The following ADA2 variants were observed in gnomAD, a reference collection of about 807,000 sequenced individuals.
ADA2 encodes the protein adenosine deaminase 2, also known as adenosine deaminase CECR1.
Under a neutral mutation model 44.2 loss-of-function variants are expected in ADA2, and 29 were observed. The ratio of observed to expected loss-of-function variants is 0.66; its 90% CI spans 0.49 to 0.89. ADA2 has a LOEUF of 0.89. Among genes scored for constraint, ADA2 ranks in the 40% least tolerant of loss-of-function variants. The pLI, the probability that ADA2 is intolerant of heterozygous loss-of-function variation, is 0.00. For missense variants in ADA2, 637 were observed against 644.8 expected (o/e 0.99, Z 0.13); for synonymous variants, 215 against 234.9 (o/e 0.92, Z 0.77).
chr22:17,193,283 C>T, intron 4 of ADA2: 1 of 696,232 alleles, frequency 1.4e-6, no homozygotes, highest in Non-Finnish European at 2.6e-6. Context: ...AACCCCAATG[C>T]CAGGCTGCGC....
At chr22:17,183,427 C>T (rs1375706854) in intron 7 of ADA2, among the ~76,000 whole-genome samples, 4 of 148,608 alleles carry the variant, frequency 2.7e-5, no homozygotes, top group East Asian at 2.0e-4. Flanking sequence ...CCCCACAGTC[C>T]GCTTTCCTTC....
chr22:17,197,910 T>C (rs2062213250), intron 4 of ADA2, among the ~76,000 whole-genome samples: 1 of 152,004 alleles, frequency 6.6e-6, no homozygotes, highest in African/African-American at 2.4e-5. Flanking sequence ...TGGTGGCACA[T>C]GCCTGTATTC....
chr22:17,199,197 C>T (rs1476551841), intron 4 of ADA2, among the ~76,000 whole-genome samples: 11 of 152,030 alleles, frequency 7.2e-5, no homozygotes, highest in Non-Finnish European at 2.9e-5. Flanking sequence ...CGGGCGGAGA[C>T]GGGCAGAGTG....
At chr22:17,190,955 G>A (rs2062107018) in intron 5 of ADA2, among the ~76,000 whole-genome samples, 1 of 152,258 alleles carries the variant, frequency 6.6e-6, no homozygotes, top group Non-Finnish European at 1.5e-5. Context: ...GTGCCCTCCA[G>A]AGCCCAGGCT....
intron 1 of ADA2, among the ~76,000 whole-genome samples, chr22:17,214,618 T>G (rs528961507): frequency 1.3e-5 from 2 of 152,186 alleles, no homozygotes; most frequent in African/African-American, 4.8e-5. Flanking sequence ...TTCCTCTAGC[T>G]TGGGGCCTAT....
chr22:17,212,727 A>C (rs1219205782), intron 1 of ADA2, among the ~76,000 whole-genome samples: 2 of 152,048 alleles, frequency 1.3e-5, no homozygotes, highest in Non-Finnish European at 2.9e-5. Context: ...AAAATGGCCA[A>C]TACGTATACG....
intron 1 of ADA2, among the ~76,000 whole-genome samples, chr22:17,213,077 A>G (rs1362703124): frequency 3.9e-5 from 6 of 151,930 alleles, no homozygotes. Context: ...GATCTGAGCC[A>G]CCAGGCCCAG....
intron 4 of ADA2, chr22:17,199,442 C>CCCCTCCCTCCCCTCCTATATCCTCTTA: frequency 9.8e-7 from 1 of 1,022,722 alleles, no homozygotes; most frequent in Non-Finnish European, 1.5e-6. Context: ...CTATCCTCTT[C>CCCCTCCCTCCCCTCCTATATCCTCTTA]CCCTCCACCC....
chr22:17,185,288 C>A lies in ADA2; in HGVS notation c.1082-2527G>T, dbSNP rs899787824. ...TATTAGCCGGGCGTGGTGGCAGGCG[C>A]CCGAGTAGTCCCAGCTACTCGGGAG... On this transcript the variant is annotated intron_variant, in intron 7 of 9. Coordinates refer to ENST00000399837, the MANE Select transcript of ADA2 (RefSeq NM_001282225.2). Among the ~76,000 whole-genome samples, 24 of 151,494 alleles carry A rather than the reference C, an allele frequency of 1.6e-4. No homozygotes were observed. The Middle Eastern group carries it at 0.014, about 87-fold the overall frequency.
intron 7 of ADA2, among the ~76,000 whole-genome samples, chr22:17,183,448 G>A (rs1409712515): frequency 7.1e-6 from 1 of 141,026 alleles, no homozygotes; most frequent in Non-Finnish European, 1.5e-5. Context: ...TTCCTCTTTT[G>A]TGGCACTCTT....
intron 5 of ADA2, 74 bp downstream of exon 5, chr22:17,191,609 T>G: frequency 8.3e-6 from 8 of 968,458 alleles, no homozygotes; most frequent in East Asian, 8.9e-5. Flanking sequence ...TTCTCACCCC[T>G]CCCCTCCCAG....
intron 7 of ADA2, among the ~76,000 whole-genome samples, chr22:17,183,768 C>T (rs1184168762): frequency 6.6e-6 from 1 of 151,812 alleles, no homozygotes; most frequent in African/African-American, 2.4e-5. Flanking sequence ...GGCTCTGGGA[C>T]TCTTATGCTT....
At chr22:17,208,818 T>TTTTTTTTTTTTTTTTTTTTTGAG (rs1568988096) in intron 2 of ADA2, among the ~76,000 whole-genome samples, 1 of 150,334 alleles carries the variant, frequency 6.7e-6, no homozygotes, top group East Asian at 2.0e-4. Flanking sequence ...AAATTTTTTT[T>TTTTTTTTTTTTTTTTTTTTTGAG]AATAAAAAAA....
At chr22:17,197,365 G>A (rs1292470133) in intron 4 of ADA2, among the ~76,000 whole-genome samples, 1 of 151,338 alleles carries the variant, frequency 6.6e-6, no homozygotes, top group East Asian at 1.9e-4. Context: ...AGGCTCAGGT[G>A]ATCCTCCCAC....
At chr22:17,193,204 C>T in intron 4 of ADA2, 1 of 1,232,290 alleles carries the variant, frequency 8.1e-7, no homozygotes, top group Non-Finnish European at 1.2e-6. Context: ...TGACATCGCT[C>T]ACAACGTTTC....
Position 17,214,026 on chromosome 22 carries a change from C to T in ADA2, c.-46-4303G>A, listed in dbSNP as rs113196187. ...TGCACTCCAGCCTGAGCAACAAGAGCGAAACTCTGTCTCAAAAAAAAAAAA... is the reference window on the plus strand; with the variant it reads ...TGCACTCCAGCCTGAGCAACAAGAGTGAAACTCTGTCTCAAAAAAAAAAAA... On this transcript the variant is annotated intron_variant, in intron 1 of 9. Transcript: ENST00000399837. 1,317 of 365,856 alleles carry T rather than the reference C, an allele frequency of 3.6e-3. 16 individuals carry two copies. Among genetic ancestry groups the T allele is most frequent in the South Asian group, 8.0e-3 (369 of 46,394 alleles). The allele number at this position is 365,856 out of a possible 1,614,324, so 22.7% of individuals were successfully genotyped here.
chr22:17,210,157 TG>T (rs1385219841), intron 1 of ADA2, among the ~76,000 whole-genome samples: 1 of 151,724 alleles, frequency 6.6e-6, no homozygotes, highest in Non-Finnish European at 1.5e-5. Context: ...CCCAAAGTGC[TG>T]GGATTACAGG....
At chr22:17,192,541 T>G (rs2062131632) in intron 4 of ADA2, among the ~76,000 whole-genome samples, 1 of 149,970 alleles carries the variant, frequency 6.7e-6, no homozygotes, top group African/African-American at 2.5e-5. Context: ...GGAAGGGAGG[T>G]GTGTAATGGG....
chr22:17,203,504 G>A lies in ADA2; in HGVS notation c.753+59C>T. On this transcript the variant is annotated intron_variant, in intron 4 of 9. Transcript: ENST00000399837. ...GAGCATTCAGTCTTCTACCAGCTAA[G>A]ATCTGAGTCAGGCCAGAGCAAAGGA... 2.2e-6 allele frequency: 3 copies of A among 1,378,298 alleles called. No individual in the cohort carries two copies. In the South Asian group the frequency reaches 3.5e-5, roughly 16 times the overall value. 85.4% of individuals were successfully genotyped at this position (1,378,298 alleles called of 1,614,324 possible). A position where few individuals can be genotyped will look rare whatever the true frequency, so the allele number is the denominator to read the frequency against.
Sources: gnomAD v4.1 joint callset for allele counts (sites outside exome capture counted in the v4.1 genomes callset) on GRCh38, gnomAD v4.1.1 for gene constraint, MANE v1.5 for transcripts, NCBI Gene and HGNC (gene_info 2026-07-23, HGNC 2026-07-21) for gene names.